Variants in SPICE1 observed in about 807,000 individuals in gnomAD.
The protein encoded by SPICE1 is spindle and centriole associated protein 1, also known as spindle and centriole-associated protein 1.
A neutral mutation model predicts 102.7 loss-of-function variants in SPICE1; 75 were observed. The ratio of observed to expected loss-of-function variants is 0.73; its 90% CI spans 0.61 to 0.88. The LOEUF is 0.88. Ranked by LOEUF, SPICE1 falls within the 40% of genes least tolerant of loss-of-function variation. The pLI is 0.00. For missense variants in SPICE1, 979 were observed against 1,020.1 expected (o/e 0.96, Z 0.55); for synonymous variants, 308 against 350.3 (o/e 0.88, Z 1.35).
At position 113,443,610 on chromosome 3, in the gene SPICE1, A is replaced by T. The variant is rs890074345; in HGVS notation, c.*1697T>A. Reference sequence around the variant, plus strand: ...AGTAATGGCTCAATAAGGAACAGCTATTCTTATTATTATGCTGCTTCCATA... The same window carrying T: ...AGTAATGGCTCAATAAGGAACAGCTTTTCTTATTATTATGCTGCTTCCATA... On this transcript the variant is annotated 3_prime_UTR_variant, in exon 18 of 18. Transcript: ENST00000295872. 1.4e-4 allele frequency: 21 copies of T among 152,302 alleles called. No individual in the cohort carries two copies. The East Asian group carries it at 1.5e-3, about 11-fold the overall frequency. 9.4% of individuals were successfully genotyped at this position (152,302 alleles called of 1,614,324 possible).
chr3:113,468,444 A>G (rs755100247), intron 9 of SPICE1, 40 bp from the exon 10 acceptor site: 6 of 1,585,072 alleles, frequency 3.8e-6, no homozygotes, highest in Non-Finnish European at 5.2e-6. Flanking sequence ...AGACCAGGAA[A>G]AATTATGACT....
In SPICE1 at chr3:113,468,355, T is replaced by C. The variant is rs1339630229; in HGVS notation, c.939A>G (p.Ile313Met). 8 of 1,614,194 alleles carry C rather than the reference T, an allele frequency of 5.0e-6. No individual in the cohort carries two copies. The East Asian group carries it at 1.8e-4, about 36-fold the overall frequency. Reference sequence around the variant, plus strand: ...CTGCAGAGGTTGTGCTACCTGATGATATGTTTTTCTTCGGCTTGGAAAGAG... The same window carrying C: ...CTGCAGAGGTTGTGCTACCTGATGACATGTTTTTCTTCGGCTTGGAAAGAG... ...LHALSKPKKN[I>M]SSGSTTSADL... The change falls in exon 10 of 18, where the codon ATA becomes ATG. Residue 313 changes from isoleucine to methionine, a missense_variant. By Grantham distance (10) the Ile-to-Met change is conservative. Transcript: ENST00000295872.
intron 5 of SPICE1, 114 bp downstream of exon 5, chr3:113,493,935 C>T: frequency 1.5e-6 from 1 of 683,040 alleles, no homozygotes; most frequent in Non-Finnish European, 2.4e-6. Context: ...ATCCACCCTA[C>T]AATACTTGTA....
At chr3:113,446,140 C>T (rs1417910714) in intron 17 of SPICE1, among the ~76,000 whole-genome samples, 2 of 152,158 alleles carry the variant, frequency 1.3e-5, no homozygotes, top group African/African-American at 4.8e-5. Flanking sequence ...GGTACCATAA[C>T]CTATCTAACC....
chr3:113,472,913 C>A (rs1041219033), intron 7 of SPICE1, among the ~76,000 whole-genome samples: 5 of 152,150 alleles, frequency 3.3e-5, no homozygotes, highest in Admixed American at 6.5e-5. Context: ...TTCCTCACTA[C>A]CAACGGAACA....
At chr3:113,466,025 T>C (rs1245735265) in intron 10 of SPICE1, among the ~76,000 whole-genome samples, 1 of 152,190 alleles carries the variant, frequency 6.6e-6, no homozygotes, top group Non-Finnish European at 1.5e-5. Context: ...AGTAACTACA[T>C]TTTTTGTAAA....
intron 7 of SPICE1, among the ~76,000 whole-genome samples, chr3:113,473,284 T>C (rs1390889849): frequency 6.6e-6 from 1 of 152,120 alleles, no homozygotes; most frequent in Non-Finnish European, 1.5e-5. Flanking sequence ...TATGGGACTA[T>C]GTGAAAAGAC....
At chr3:113,476,011 G>A (rs1387178373) in intron 7 of SPICE1, among the ~76,000 whole-genome samples, 1 of 152,164 alleles carries the variant, frequency 6.6e-6, no homozygotes, top group Admixed American at 6.5e-5. Flanking sequence ...GTTTGCAGAT[G>A]ACATGATTGT....
At chr3:113,489,817 C>T (rs1936726206) in intron 6 of SPICE1, among the ~76,000 whole-genome samples, 1 of 142,736 alleles carries the variant, frequency 7.0e-6, no homozygotes, top group Non-Finnish European at 1.5e-5. Context: ...CACTGCATTC[C>T]AGCCTGGGCA....
Position 113,503,070 on chromosome 3 carries a change from C to T in SPICE1, c.147+110G>A, listed in dbSNP as rs914554322. On this transcript the variant is annotated intron_variant, in intron 3 of 17. Transcript: ENST00000295872. ...TTATATAGACATAAACAAGATTAAA[C>T]ATAACTGAACAACTTCCAGGAAGTG... 19 of 1,134,698 alleles carry T rather than the reference C, an allele frequency of 1.7e-5. No homozygotes were observed. The African/African-American group carries it at 2.6e-4, about 15-fold the overall frequency. 70.3% of individuals were successfully genotyped at this position (1,134,698 alleles called of 1,614,324 possible). A position where few individuals can be genotyped will look rare whatever the true frequency, so the allele number is the denominator to read the frequency against.
intron 7 of SPICE1, among the ~76,000 whole-genome samples, chr3:113,486,650 T>G (rs1936654958): frequency 6.6e-6 from 1 of 151,798 alleles, no homozygotes; most frequent in South Asian, 2.1e-4. Context: ...TTCCAGGATA[T>G]ATCATTAAGT....
At position 113,446,940 on chromosome 3, in the gene SPICE1, A is replaced by T. The variant is rs370323058; in HGVS notation, c.2427-264T>A. 1.4e-4 allele frequency among the ~76,000 whole-genome samples: 22 copies of T among 152,200 alleles called. No individual in the cohort carries two copies. In the East Asian group the frequency reaches 3.5e-3, roughly 24 times the overall value. ...TCCCAGAATTCGCCCATGTTGTGGG[A>T]GGGACTCATGGGGAGGTAACTGAAT... On this transcript the variant is annotated intron_variant, in intron 16 of 17. Transcript: ENST00000295872.
chr3:113,511,462 G>T (rs1271093030), intron 1 of SPICE1, among the ~76,000 whole-genome samples: 1 of 152,160 alleles, frequency 6.6e-6, no homozygotes, highest in Non-Finnish European at 1.5e-5. Context: ...CTTTGCAGGG[G>T]CATGGATGGA....
chr3:113,474,045 T>TCAC lies in SPICE1; in HGVS notation c.612-4810_612-4808dup, dbSNP rs1424858524. On this transcript the variant is annotated intron_variant, in intron 7 of 17. Coordinates refer to ENST00000295872, the MANE Select transcript of SPICE1 (RefSeq NM_144718.4). ...GTGTGCTGTAATCAGGAAACCCATCTCACGTGCAGAGACACACATAGGCTC... is the reference window on the plus strand; with the variant it reads ...GTGTGCTGTAATCAGGAAACCCATCTCACCACGTGCAGAGACACACATAGGCTC... 3.3e-5 allele frequency among the ~76,000 whole-genome samples: 5 copies of TCAC among 151,834 alleles called. No homozygotes were observed. The East Asian group carries it at 9.6e-4, about 29-fold the overall frequency.
chr3:113,456,082 C>G (rs915692395), intron 13 of SPICE1, among the ~76,000 whole-genome samples: 12 of 152,260 alleles, frequency 7.9e-5, no homozygotes, highest in African/African-American at 2.9e-4. Context: ...GCACGTCTGA[C>G]TCTCAGCCTG....
chr3:113,506,507 A>G lies in SPICE1; in HGVS notation c.99T>C (p.Asp33=). The G allele has an allele frequency of 6.2e-7, 1 of 1,609,180 alleles. No homozygotes were observed. Residue 33 remains aspartate, a splice_region_variant and synonymous_variant, in exon 2 of 18, where the codon GAT becomes GAC. Transcript: ENST00000295872. The stretch of plus-strand genomic sequence containing the variant: ...TATTTACTATCCCACCTATACTCAC[A>G]TCCCATTCTTGTTTCACTGAAGTTT... ...KKKTSVKQEW[D]NTVTDLTVHR... is the part of the protein sequence containing the mutation.
At chr3:113,496,997 C>A (rs1447081789) in intron 4 of SPICE1, among the ~76,000 whole-genome samples, 1 of 152,154 alleles carries the variant, frequency 6.6e-6, no homozygotes, top group African/African-American at 2.4e-5. Context: ...CAGCAATGTT[C>A]TTTTGGTTTC....
intron 2 of SPICE1, among the ~76,000 whole-genome samples, chr3:113,503,517 A>T (rs1011698386): frequency 6.6e-6 from 1 of 152,252 alleles, no homozygotes; most frequent in Non-Finnish European, 1.5e-5. Flanking sequence ...TGAATATATG[A>T]TATATGAATA....
intron 1 of SPICE1, among the ~76,000 whole-genome samples, chr3:113,511,780 A>T (rs986423758): frequency 3.3e-5 from 5 of 152,164 alleles, no homozygotes; most frequent in Admixed American, 1.3e-4. Flanking sequence ...AACAAAATTT[A>T]AAAATATTAA....
Sources: allele counts gnomAD v4.1 joint callset (sites outside exome capture counted in the v4.1 genomes callset), GRCh38; gene constraint gnomAD v4.1.1; transcripts MANE v1.5; gene names NCBI Gene and HGNC (gene_info 2026-07-23, HGNC 2026-07-21).